Variants in PACRG observed in about 807,000 individuals in gnomAD.
The protein encoded by PACRG is parkin coregulated gene protein.
Under a neutral mutation model 29.7 loss-of-function variants are expected in PACRG, and 29 were observed. The observed-to-expected ratio is 0.98, with a 90% CI of 0.73 to 1.33. The LOEUF (loss-of-function observed/expected upper bound fraction) is 1.33. PACRG is among the 40% of genes most tolerant of loss of function. The pLI, the probability that PACRG is intolerant of heterozygous loss-of-function variation, is 0.00. For missense variants in PACRG, 279 were observed against 316.2 expected (o/e 0.88, Z 0.89); for synonymous variants, 116 against 118.7 (o/e 0.98, Z 0.15).
intron 1 of PACRG, among the ~76,000 whole-genome samples, chr6:162,790,762 C>G (rs533056595): frequency 2.1e-3 from 322 of 152,258 alleles, no homozygotes; most frequent in Non-Finnish European, 3.3e-3. Flanking sequence ...TAAAACGTCT[C>G]TAAGACTGGT....
chr6:162,741,740 C>T (rs1411208846), intron 1 of PACRG, among the ~76,000 whole-genome samples: 1 of 152,150 alleles, frequency 6.6e-6, no homozygotes, highest in Non-Finnish European at 1.5e-5. Flanking sequence ...GGAAGAAGGA[C>T]CATCTCTTGG....
intron 2 of PACRG, among the ~76,000 whole-genome samples, chr6:162,845,104 C>T (rs967876071): frequency 4.6e-5 from 7 of 151,800 alleles, no homozygotes; most frequent in Non-Finnish European, 7.4e-5. Context: ...AATGAAATGT[C>T]GAAAGCAGCC....
intron 3 of PACRG, among the ~76,000 whole-genome samples, chr6:163,070,999 G>A (rs534674416): frequency 6.6e-6 from 1 of 151,962 alleles, no homozygotes; most frequent in Non-Finnish European, 1.5e-5. Flanking sequence ...GGATATAACA[G>A]TTGTAAATAT....
chr6:162,883,739 C>T (rs1313811291), intron 2 of PACRG, among the ~76,000 whole-genome samples: 1 of 148,658 alleles, frequency 6.7e-6, no homozygotes, highest in Non-Finnish European at 1.5e-5. Context: ...TCTGCATACA[C>T]ACATACAGTT....
chr6:163,140,404 C>T (rs1031383081), intron 4 of PACRG, among the ~76,000 whole-genome samples: 2 of 152,042 alleles, frequency 1.3e-5, no homozygotes, highest in Non-Finnish European at 2.9e-5. Flanking sequence ...CCAGGCCAGG[C>T]CTGCTGCTCA....
chr6:162,757,693 C>T (rs1339986871), intron 1 of PACRG, among the ~76,000 whole-genome samples: 4 of 151,504 alleles, frequency 2.6e-5, no homozygotes, highest in Admixed American at 6.6e-5. Context: ...GATGGCAGAG[C>T]GAGACTCTGT....
chr6:162,872,868 C>T (rs1036215293), intron 2 of PACRG, among the ~76,000 whole-genome samples: 11 of 152,030 alleles, frequency 7.2e-5, no homozygotes, highest in African/African-American at 2.4e-4. Context: ...AATGAGCGCT[C>T]ATAGGTAGTG....
chr6:163,311,813 A>T (rs1585421143), intron 4 of PACRG, among the ~76,000 whole-genome samples: 1 of 151,858 alleles, frequency 6.6e-6, no homozygotes, highest in Non-Finnish European at 1.5e-5. Context: ...CTATGGTCAA[A>T]TTTTTTTTAA....
At chr6:163,140,564 C>T (rs1217385379) in intron 4 of PACRG, among the ~76,000 whole-genome samples, 1 of 152,122 alleles carries the variant, frequency 6.6e-6, no homozygotes, top group African/African-American at 2.4e-5. Flanking sequence ...GAGAGAGCAA[C>T]AATTGAGAAG....
chr6:163,059,320 G>T (rs1225369859), intron 2 of PACRG, among the ~76,000 whole-genome samples: 1 of 152,024 alleles, frequency 6.6e-6, no homozygotes, highest in Non-Finnish European at 1.5e-5. Flanking sequence ...AATTATGCAG[G>T]TACTCAGTAT....
At chr6:163,285,681 G>C (rs1369551512) in intron 4 of PACRG, among the ~76,000 whole-genome samples, 1 of 152,224 alleles carries the variant, frequency 6.6e-6, no homozygotes, top group East Asian at 1.9e-4. Context: ...TGATGGGGAA[G>C]GAATAATAAC....
In PACRG at chr6:162,750,326, G is replaced by A. The variant is rs1341250424; in HGVS notation, c.156+21935G>A. 2.6e-5 allele frequency among the ~76,000 whole-genome samples: 4 copies of A among 152,108 alleles called. No individual in the cohort carries two copies. The East Asian group carries it at 7.7e-4, about 29-fold the overall frequency. On this transcript the variant is annotated intron_variant, in intron 1 of 4. Transcript: ENST00000366888. Reference sequence around the variant, plus strand: ...TGATAGCACATTAAACTGGAATAATGAACCAATAAAAGTTTTTATGGCATT... The same window carrying A: ...TGATAGCACATTAAACTGGAATAATAAACCAATAAAAGTTTTTATGGCATT...
intron 2 of PACRG, among the ~76,000 whole-genome samples, chr6:162,825,512 A>AT (rs1221828531): frequency 1.3e-5 from 2 of 151,912 alleles, no homozygotes; most frequent in African/African-American, 4.8e-5. Flanking sequence ...ATTTGTTGAA[A>AT]TTTTTTCAAA....
chr6:162,919,467 G>A (rs374695991), intron 2 of PACRG, among the ~76,000 whole-genome samples: 5 of 152,268 alleles, frequency 3.3e-5, no homozygotes, highest in South Asian at 2.1e-4. Context: ...AACGTTTCTC[G>A]TAGCACCATG....
chr6:163,188,561 G>C (rs1306669076), intron 4 of PACRG, among the ~76,000 whole-genome samples: 1 of 152,174 alleles, frequency 6.6e-6, no homozygotes, highest in Non-Finnish European at 1.5e-5. Context: ...GTCACACCAA[G>C]GGTTTGGTCC....
At chr6:163,015,623 T>C (rs980506921) in intron 2 of PACRG, among the ~76,000 whole-genome samples, 1 of 152,150 alleles carries the variant, frequency 6.6e-6, no homozygotes, top group Non-Finnish European at 1.5e-5. Flanking sequence ...GTAAATGGGA[T>C]TGTGTTCTTC....
intron 4 of PACRG, among the ~76,000 whole-genome samples, chr6:163,092,753 C>A (rs913623193): frequency 4.6e-5 from 7 of 152,122 alleles, no homozygotes; most frequent in African/African-American, 1.7e-4. Flanking sequence ...TGTCCATGAC[C>A]GGGTATTAAT....
chr6:163,191,894 G>A, intron 4 of PACRG: 1 of 400,318 alleles, frequency 2.5e-6, no homozygotes, highest in Non-Finnish European at 5.0e-6. Context: ...AAAGCAGACT[G>A]TAAGCTTCCT....
intron 4 of PACRG, among the ~76,000 whole-genome samples, chr6:163,271,164 G>C (rs1251266055): frequency 6.6e-6 from 1 of 152,130 alleles, no homozygotes; most frequent in Non-Finnish European, 1.5e-5. Context: ...ACGGGAGAAA[G>C]ATGAAGGCCA....
Sources: gnomAD v4.1 joint callset for allele counts (sites outside exome capture counted in the v4.1 genomes callset) on GRCh38, gnomAD v4.1.1 for gene constraint, MANE v1.5 for transcripts, NCBI Gene and HGNC (gene_info 2026-07-23, HGNC 2026-07-21) for gene names.